The following BMP5 variants were observed in gnomAD, a reference collection of about 807,000 sequenced individuals.
The protein encoded by BMP5 is bone morphogenetic protein 5.
Under a neutral mutation model 46.6 loss-of-function variants are expected in BMP5, and 23 were observed. That is an observed-to-expected ratio of 0.49 (90% CI 0.35 to 0.70). BMP5 has a LOEUF of 0.70. Ranked by LOEUF, BMP5 falls within the 30% of genes least tolerant of loss-of-function variation. The pLI, the probability that BMP5 is intolerant of heterozygous loss-of-function variation, is 0.00. For synonymous variants in BMP5, 204 were observed against 191.9 expected (o/e 1.06, Z -0.52); for missense variants, 545 against 565.6 (o/e 0.96, Z 0.37).
intron 1 of BMP5, among the ~76,000 whole-genome samples, chr6:55,854,026 A>C (rs931007098): frequency 6.6e-6 from 1 of 152,152 alleles, no homozygotes; most frequent in African/African-American, 2.4e-5. Context: ...AACATTTTCA[A>C]ATGTGAAAAC....
Position 55,827,319 on chromosome 6 carries a change from T to C in BMP5, c.491-7472A>G, listed in dbSNP as rs1311766146. ...AAGCAGAGGTAAATTAATCATTTGG[T>C]ATCTTAATATAATTTTCTAGAAGCT... is the stretch of plus-strand genomic sequence containing the variant. On this transcript the variant is annotated intron_variant, in intron 1 of 6. Transcript: ENST00000370830. 5.3e-5 allele frequency among the ~76,000 whole-genome samples: 8 copies of C among 151,742 alleles called. No individual in the cohort carries two copies. The East Asian group carries it at 1.2e-3, about 22-fold the overall frequency.
intron 1 of BMP5, among the ~76,000 whole-genome samples, chr6:55,841,813 G>T (rs1042062643): frequency 6.6e-6 from 1 of 151,794 alleles, no homozygotes; most frequent in African/African-American, 2.4e-5. Flanking sequence ...ATTTTAAATG[G>T]CCTTATCTCC....
At chr6:55,865,860 T>C (rs2127555063) in intron 1 of BMP5, among the ~76,000 whole-genome samples, 1 of 152,140 alleles carries the variant, frequency 6.6e-6, no homozygotes, top group African/African-American at 2.4e-5. Flanking sequence ...GGAAATAGTT[T>C]CAACGAAGTG....
At chr6:55,828,435 G>T (rs926222872) in intron 1 of BMP5, among the ~76,000 whole-genome samples, 3 of 151,738 alleles carry the variant, frequency 2.0e-5, no homozygotes, top group Non-Finnish European at 4.4e-5. Context: ...CCCTTTAACA[G>T]CTCTTAGCCT....
intron 1 of BMP5, among the ~76,000 whole-genome samples, chr6:55,857,522 A>G (rs1777428555): frequency 6.6e-6 from 1 of 152,192 alleles, no homozygotes; most frequent in Non-Finnish European, 1.5e-5. Context: ...ATCCTATATC[A>G]TTGTGATCAT....
chr6:55,761,221 G>A lies in BMP5; in HGVS notation c.1028-688C>T, dbSNP rs529978627. 7.2e-5 allele frequency among the ~76,000 whole-genome samples: 11 copies of A among 151,846 alleles called. No homozygotes were observed. In the South Asian group the frequency reaches 8.3e-4, roughly 12 times the overall value. On this transcript the variant is annotated intron_variant, in intron 4 of 6. Coordinates refer to ENST00000370830, the MANE Select transcript of BMP5 (RefSeq NM_021073.4). ...AAGTCCAAAATGCACCTGCTCTCACGCCCTTCATAATTGGTCTTGGTCCAA... is the reference window on the plus strand; with the variant it reads ...AAGTCCAAAATGCACCTGCTCTCACACCCTTCATAATTGGTCTTGGTCCAA...
At chr6:55,827,221 C>T (rs139114500) in intron 1 of BMP5, among the ~76,000 whole-genome samples, 1 of 151,796 alleles carries the variant, frequency 6.6e-6, no homozygotes, top group East Asian at 1.9e-4. Flanking sequence ...AGAAAGGACT[C>T]ATTAGGATTG....
chr6:55,850,239 G>A (rs1386652376), intron 1 of BMP5, among the ~76,000 whole-genome samples: 1 of 152,048 alleles, frequency 6.6e-6, no homozygotes, highest in Non-Finnish European at 1.5e-5. Flanking sequence ...AGGATTATAT[G>A]AGCTAATACA....
chr6:55,849,723 C>T (rs1351703097), intron 1 of BMP5, among the ~76,000 whole-genome samples: 1 of 152,024 alleles, frequency 6.6e-6, no homozygotes, highest in African/African-American at 2.4e-5. Context: ...TTCCTTCAAG[C>T]ATTCCTAATA....
chr6:55,870,214 A>G (rs1777749370), intron 1 of BMP5, among the ~76,000 whole-genome samples: 1 of 151,934 alleles, frequency 6.6e-6, no homozygotes, highest in Non-Finnish European at 1.5e-5. Context: ...AAAAAAAAAA[A>G]AAGCATTTAA....
chr6:55,845,709 G>C (rs1377153392), intron 1 of BMP5, among the ~76,000 whole-genome samples: 1 of 151,962 alleles, frequency 6.6e-6, no homozygotes, highest in Non-Finnish European at 1.5e-5. Context: ...GAGAGAGGTT[G>C]TGATGCTTCT....
intron 2 of BMP5, among the ~76,000 whole-genome samples, chr6:55,802,754 G>A (rs2127532092): frequency 6.6e-6 from 1 of 150,484 alleles, no homozygotes; most frequent in Admixed American, 6.6e-5. Context: ...TACTTTTAAT[G>A]GCAAAAACCA....
chr6:55,759,172 A>AAAAAAAAAAAAAAAAAC (rs1562023483), intron 5 of BMP5, 57 bp from the exon 6 acceptor site: 16 of 738,850 alleles, frequency 2.2e-5, no homozygotes, highest in South Asian at 6.2e-5. Context: ...AAAAAAAAAA[A>AAAAAAAAAAAAAAAAAC]AAAAAAAAAA....
chr6:55,800,048 A>G (rs909914033), intron 2 of BMP5, among the ~76,000 whole-genome samples: 3 of 152,214 alleles, frequency 2.0e-5, no homozygotes, highest in Non-Finnish European at 4.4e-5. Context: ...ACACACATGT[A>G]TACACACACA....
chr6:55,806,566 C>T (rs539094267), intron 2 of BMP5, among the ~76,000 whole-genome samples: 1 of 152,176 alleles, frequency 6.6e-6, no homozygotes, highest in African/African-American at 2.4e-5. Context: ...CTTTTTGATT[C>T]CATATGAAAT....
At chr6:55,756,543 A>T (rs1774605305) in intron 6 of BMP5, among the ~76,000 whole-genome samples, 1 of 151,956 alleles carries the variant, frequency 6.6e-6, no homozygotes. Context: ...CCACCCACCT[A>T]TTCTGGCCCT....
chr6:55,827,116 G>C (rs548305443), intron 1 of BMP5, among the ~76,000 whole-genome samples: 11 of 151,752 alleles, frequency 7.2e-5, no homozygotes, highest in African/African-American at 2.7e-4. Context: ...AGAACACTGG[G>C]AACACACTTG....
chr6:55,789,230 G>A (rs1305222206), intron 3 of BMP5, among the ~76,000 whole-genome samples: 6 of 151,918 alleles, frequency 3.9e-5, no homozygotes, highest in African/African-American at 1.4e-4. Flanking sequence ...AAGAAAAAAA[G>A]TCACTGGCAA....
At chr6:55,852,178 ATATT>A (rs1248344085) in intron 1 of BMP5, among the ~76,000 whole-genome samples, 1 of 152,114 alleles carries the variant, frequency 6.6e-6, no homozygotes, top group African/African-American at 2.4e-5. Flanking sequence ...AAATATTAAA[ATATT>A]TAGTAGGGCT....
Sources: allele counts gnomAD v4.1 joint callset (sites outside exome capture counted in the v4.1 genomes callset), GRCh38; gene constraint gnomAD v4.1.1; transcripts MANE v1.5; gene names NCBI Gene and HGNC (gene_info 2026-07-23, HGNC 2026-07-21).